RUNX1: variants seen among roughly 807,000 people sequenced by gnomAD.
The protein encoded by RUNX1 is runt-related transcription factor 1.
In RUNX1, 19 loss-of-function variants were observed where a neutral mutation model predicts 42.8. The ratio of observed to expected loss-of-function variants is 0.44; its 90% CI spans 0.31 to 0.65. The LOEUF (loss-of-function observed/expected upper bound fraction) is 0.65. Among genes scored for constraint, RUNX1 ranks in the 30% least tolerant of loss-of-function variants. The pLI is 0.07. For missense variants in RUNX1, 528 were observed against 672.0 expected (o/e 0.79, Z 2.37); for synonymous variants, 271 against 289.4 (o/e 0.94, Z 0.64).
Position 34,789,370 on chromosome 21 carries a change from T to G in RUNX1, c.*2765A>C, listed in dbSNP as rs546440412. On this transcript the variant is annotated 3_prime_UTR_variant, in exon 9 of 9. Coordinates refer to ENST00000675419, the MANE Select transcript of RUNX1 (RefSeq NM_001754.5). ...GGGAGGGAAATGTATTTTCAGATAG[T>G]GAGAAAAAGAAAGAACTGAAATATG... is the stretch of plus-strand genomic sequence containing the variant. The G allele has an allele frequency of 4.3e-6, 1 of 233,392 alleles. No homozygotes were observed. Among genetic ancestry groups the G allele is most frequent in the Admixed American group, 5.6e-5 (1 of 17,764 alleles). The allele number at this position is 233,392 out of a possible 1,614,324, so 14.5% of individuals were successfully genotyped here.
At chr21:34,985,623 G>A (rs1347006273) in intron 2 of RUNX1, among the ~76,000 whole-genome samples, 1 of 152,132 alleles carries the variant, frequency 6.6e-6, no homozygotes, top group African/African-American at 2.4e-5. Flanking sequence ...GAGCCCTTTG[G>A]GGATACCATA....
chr21:34,877,464 A>T (rs2057830663), intron 5 of RUNX1, among the ~76,000 whole-genome samples: 1 of 152,126 alleles, frequency 6.6e-6, no homozygotes, highest in Non-Finnish European at 1.5e-5. Flanking sequence ...ATCTCCTGGG[A>T]GCTGCTATCT....
At chr21:34,984,333 A>G (rs1004724355) in intron 2 of RUNX1, among the ~76,000 whole-genome samples, 1 of 152,250 alleles carries the variant, frequency 6.6e-6, no homozygotes, top group Non-Finnish European at 1.5e-5. Context: ...GGCCTAGACT[A>G]TAAGCCCCAG....
At chr21:34,965,088 C>T (rs1330917408) in intron 2 of RUNX1, among the ~76,000 whole-genome samples, 4 of 152,078 alleles carry the variant, frequency 2.6e-5, no homozygotes, top group Non-Finnish European at 5.9e-5. Flanking sequence ...TCCACACATA[C>T]ATGCTCATGC....
chr21:35,037,771 T>C (rs911174697), intron 2 of RUNX1, among the ~76,000 whole-genome samples: 38 of 152,168 alleles, frequency 2.5e-4, no homozygotes, highest in African/African-American at 8.4e-4. Flanking sequence ...GGCAAGAAAA[T>C]GCTTGGAACG....
intron 2 of RUNX1, among the ~76,000 whole-genome samples, chr21:34,981,593 G>T (rs999542163): frequency 1.7e-4 from 26 of 152,268 alleles, no homozygotes; most frequent in African/African-American, 5.8e-4. Flanking sequence ...TATGGATTTA[G>T]TAATGACTAG....
intron 2 of RUNX1, among the ~76,000 whole-genome samples, chr21:34,927,157 C>A (rs2058401834): frequency 6.6e-6 from 1 of 152,130 alleles, no homozygotes; most frequent in Non-Finnish European, 1.5e-5. Context: ...GGGGAAAATT[C>A]ATAAAGAAAG....
intron 2 of RUNX1, among the ~76,000 whole-genome samples, chr21:34,899,970 C>A (rs2058164583): frequency 1.3e-5 from 2 of 152,146 alleles, no homozygotes; most frequent in South Asian, 4.1e-4. Context: ...CATAGCAAGA[C>A]CCCATCTCTA....
chr21:34,905,503 A>T (rs1027038447), intron 2 of RUNX1, among the ~76,000 whole-genome samples: 7 of 152,342 alleles, frequency 4.6e-5, no homozygotes, highest in African/African-American at 1.7e-4. Context: ...ACACAGATTT[A>T]ATTAATCCCA....
At chr21:34,823,348 G>A (rs2056936540) in intron 7 of RUNX1, among the ~76,000 whole-genome samples, 1 of 151,414 alleles carries the variant, frequency 6.6e-6, no homozygotes, top group Non-Finnish European at 1.5e-5. Context: ...ACTTACGGAG[G>A]CTAAGATTCA....
intron 2 of RUNX1, among the ~76,000 whole-genome samples, chr21:34,903,801 C>G (rs2058196198): frequency 2.0e-5 from 3 of 152,150 alleles, no homozygotes; most frequent in Non-Finnish European, 4.4e-5. Flanking sequence ...TATCAATATC[C>G]TGCTTTCTTG....
intron 6 of RUNX1, among the ~76,000 whole-genome samples, chr21:34,853,140 G>C (rs1231681062): frequency 1.3e-5 from 2 of 152,086 alleles, no homozygotes; most frequent in Non-Finnish European, 2.9e-5. Flanking sequence ...AACACCCCGG[G>C]GTCAGGTCCC....
intron 2 of RUNX1, among the ~76,000 whole-genome samples, chr21:35,030,209 G>A (rs899576035): frequency 4.6e-5 from 7 of 152,186 alleles, no homozygotes; most frequent in African/African-American, 1.7e-4. Flanking sequence ...CGGGCATGGC[G>A]GTGTGCACCT....
At chr21:34,804,130 G>A (rs1249538636) in intron 7 of RUNX1, among the ~76,000 whole-genome samples, 1 of 152,214 alleles carries the variant, frequency 6.6e-6, no homozygotes, top group Non-Finnish European at 1.5e-5. Context: ...GCTGGGAGCA[G>A]AATTTCTGAA....
chr21:35,047,549 ACACACACACACACT>A (rs1328283834), intron 2 of RUNX1, among the ~76,000 whole-genome samples: 2,468 of 107,026 alleles, frequency 0.023, 34 homozygotes, highest in African/African-American at 0.078. Context: ...ACACACACAC[ACACACACACACACT>A]CTCTCTCTCT....
At chr21:34,935,362 T>C in intron 2 of RUNX1, among the ~76,000 whole-genome samples, 1 of 152,236 alleles carries the variant, frequency 6.6e-6, no homozygotes, top group East Asian at 1.9e-4. Context: ...AAGAGTCAAG[T>C]GCCTGGTTTC....
intron 2 of RUNX1, among the ~76,000 whole-genome samples, chr21:34,936,486 C>T (rs1158715139): frequency 2.0e-5 from 3 of 152,104 alleles, no homozygotes; most frequent in South Asian, 2.1e-4. Context: ...CAGATGTTCA[C>T]GAATTTAAAT....
intron 4 of RUNX1, 132 bp from the exon 5 acceptor site, chr21:34,880,845 AATG>A: frequency 1.1e-6 from 1 of 909,820 alleles, no homozygotes; most frequent in Non-Finnish European, 1.7e-6. Flanking sequence ...GAGGAATAGC[AATG>A]ATAACTTAAG....
intron 2 of RUNX1, among the ~76,000 whole-genome samples, chr21:34,896,714 G>A (rs1403608134): frequency 6.6e-6 from 1 of 151,936 alleles, no homozygotes; most frequent in Non-Finnish European, 1.5e-5. Flanking sequence ...AAAGGAAAAT[G>A]CCAGCTTTGG....
Sources: gnomAD v4.1 joint callset for allele counts (sites outside exome capture counted in the v4.1 genomes callset) on GRCh38, gnomAD v4.1.1 for gene constraint, MANE v1.5 for transcripts, NCBI Gene and HGNC (gene_info 2026-07-23, HGNC 2026-07-21) for gene names.